PPP2R2C: variants seen among roughly 807,000 people sequenced by gnomAD.
PPP2R2C encodes the protein protein phosphatase 2, regulatory subunit B, gamma.
Under a neutral mutation model 45.3 loss-of-function variants are expected in PPP2R2C, and 10 were observed. The observed-to-expected ratio is 0.22, with a 90% CI of 0.14 to 0.37. The LOEUF (loss-of-function observed/expected upper bound fraction) is 0.37. PPP2R2C is among the 10% of genes least tolerant of loss of function. The pLI, the probability that PPP2R2C is intolerant of heterozygous loss-of-function variation, is 1.00. For synonymous variants in PPP2R2C, 257 were observed against 245.4 expected (o/e 1.05, Z -0.44); for missense variants, 308 against 619.7 (o/e 0.50, Z 5.34).
intron 5 of PPP2R2C, among the ~76,000 whole-genome samples, chr4:6,357,054 G>A (rs1020690168): frequency 1.3e-5 from 2 of 150,966 alleles, no homozygotes; most frequent in East Asian, 1.9e-4. Context: ...GCATGAGACA[G>A]GGACAGCGAG....
chr4:6,414,500 G>T (rs149252671), intron 1 of PPP2R2C, among the ~76,000 whole-genome samples: 2 of 152,172 alleles, frequency 1.3e-5, no homozygotes, highest in East Asian at 3.9e-4. Context: ...TTAGCCTCAA[G>T]GATGGCTACA....
At chr4:6,523,720 A>G (rs993866102) in intron 2 of PPP2R2C, among the ~76,000 whole-genome samples, 1 of 152,218 alleles carries the variant, frequency 6.6e-6, no homozygotes, top group Non-Finnish European at 1.5e-5. Flanking sequence ...CTGGGTGTCT[A>G]TCACGGAACA....
upstream of PPP2R2C, among the ~76,000 whole-genome samples, chr4:6,473,005 C>G (rs531814651): frequency 1.3e-5 from 2 of 151,818 alleles, no homozygotes; most frequent in South Asian, 2.1e-4. Context: ...AATGGGGACT[C>G]GGGGGAGGGG....
chr4:6,394,776 C>T (rs1387985535), intron 1 of PPP2R2C, among the ~76,000 whole-genome samples: 10 of 152,246 alleles, frequency 6.6e-5, no homozygotes, highest in Admixed American at 6.5e-5. Flanking sequence ...GGGGCTACAG[C>T]CAGCCTTTTA....
rs183390282 is a variant in PPP2R2C at position 6,345,770 on chromosome 4, G to A, written c.790+2076C>T. ...TGCCCTGTTTTCAGCCACCAAGTGT[G>A]TGGTCCTTTGTTGTGGCGCACAGGA... On this transcript the variant is annotated intron_variant, in intron 6 of 8. Coordinates refer to ENST00000382599, the MANE Select transcript of PPP2R2C (RefSeq NM_020416.4). This position sits in a 1 kb window ranked among gnomAD's most constrained non-coding sequence, Gnocchi z 5.3. Among the ~76,000 whole-genome samples, 169 of 152,252 alleles carry A rather than the reference G, an allele frequency of 1.1e-3. 4 individuals carry two copies. The highest frequency in any genetic ancestry group is 0.011 in the Admixed American group (165 of 15,298).
rs144455156 is a variant in PPP2R2C at position 6,375,834 on chromosome 4, C to T, written c.432G>A (p.Thr144=). 4.5e-5 allele frequency: 72 copies of T among 1,613,508 alleles called. No individual in the cohort carries two copies. Among genetic ancestry groups the T allele is most frequent in the African/African-American group, 8.0e-5 (6 of 74,908 alleles). ...CGGAGCTCACCTGCAGTGACGTCAC[C>T]GTGGACAGGTCCTTAAGTTTCCCCT... is the stretch of plus-strand genomic sequence containing the variant. ...DEEGKLKDLS[T]VTSLQVPVLK... is the part of the protein sequence containing the mutation. Residue 144 remains threonine, a synonymous_variant, in exon 4 of 9, where the codon ACG becomes ACA. Coordinates refer to ENST00000382599, the MANE Select transcript of PPP2R2C (RefSeq NM_020416.4).
chr4:6,470,216 C>A (rs1721793867), intron 1 of PPP2R2C, among the ~76,000 whole-genome samples: 1 of 152,188 alleles, frequency 6.6e-6, no homozygotes, highest in Non-Finnish European at 1.5e-5. Context: ...AGAATTCAGG[C>A]CGCACAAGGG....
At chr4:6,525,131 G>A (rs1379176194) in intron 2 of PPP2R2C, among the ~76,000 whole-genome samples, 2 of 149,510 alleles carry the variant, frequency 1.3e-5, no homozygotes, top group South Asian at 2.1e-4. Context: ...AAAGCTGGGC[G>A]TGGTGGCACA....
At chr4:6,445,148 C>T (rs1291165963) in intron 1 of PPP2R2C, among the ~76,000 whole-genome samples, 1 of 152,014 alleles carries the variant, frequency 6.6e-6, no homozygotes, top group Non-Finnish European at 1.5e-5. Context: ...GAGATCACAT[C>T]ACTGCACTCC....
At position 6,355,994 on chromosome 4, in the gene PPP2R2C, A is replaced by G. The variant is rs78555252; in HGVS notation, c.626-7984T>C. 0.016 allele frequency among the ~76,000 whole-genome samples: 89 copies of G among 5,548 alleles called. 3 individuals carry two copies. The East Asian group carries it at 0.17, about 10-fold the overall frequency. The allele number at this position is 5,548 out of a possible 152,430, so 3.6% of individuals were successfully genotyped here. On this transcript the variant is annotated intron_variant, in intron 5 of 8. Coordinates refer to ENST00000382599, the MANE Select transcript of PPP2R2C (RefSeq NM_020416.4). ...GGTGACAGAGTGAGACTCTGCCTGG[A>G]AAAAAAAAAAAAAAAAAAAAAAGAG...
chr4:6,459,141 T>TA (rs1721190646), intron 1 of PPP2R2C, among the ~76,000 whole-genome samples: 1 of 111,686 alleles, frequency 9.0e-6, no homozygotes, highest in Non-Finnish European at 2.0e-5. Flanking sequence ...GGGTAGATCT[T>TA]GGTGGGAATG....
Position 6,472,604 on chromosome 4 carries a change from C to G in PPP2R2C, c.-375G>C, listed in dbSNP as rs1034330525. On this transcript the variant is annotated 5_prime_UTR_variant, in exon 1 of 9. Transcript: ENST00000382599. ...TGCGCTGCGCCGACCAAGCCGGGGC[C>G]GAGCCGGGCTGCGCGGGCTGGGGCC... Among the ~76,000 whole-genome samples, 2 of 146,408 alleles carry G rather than the reference C, an allele frequency of 1.4e-5. No individual in the cohort carries two copies. The highest frequency in any genetic ancestry group is 4.9e-5 in the African/African-American group (2 of 40,834).
At chr4:6,434,284 C>A (rs759858686) in intron 1 of PPP2R2C, among the ~76,000 whole-genome samples, 2 of 151,930 alleles carry the variant, frequency 1.3e-5, no homozygotes, top group Admixed American at 6.6e-5. Flanking sequence ...TATTTCCATT[C>A]TTTCCCATTA....
At chr4:6,372,250 T>C (rs1165130463) in intron 5 of PPP2R2C, among the ~76,000 whole-genome samples, 3 of 152,202 alleles carry the variant, frequency 2.0e-5, no homozygotes, top group African/African-American at 7.2e-5. Flanking sequence ...CCTGGCCCCT[T>C]GTGAGGCCCT....
chr4:6,373,290 G>T (rs1050529027), intron 4 of PPP2R2C, among the ~76,000 whole-genome samples: 1 of 152,204 alleles, frequency 6.6e-6, no homozygotes, highest in African/African-American at 2.4e-5. Context: ...CATCCACATC[G>T]AACCTTCCCA....
At chr4:6,538,246 C>T (rs1434636320) in intron 1 of PPP2R2C, among the ~76,000 whole-genome samples, 1 of 152,184 alleles carries the variant, frequency 6.6e-6, no homozygotes, top group South Asian at 2.1e-4. Context: ...GGTCCCACAG[C>T]TGGGGCGTCA....
rs58305750 is a variant in PPP2R2C, at chr4:6,342,081, T to TACACAC, written c.790+5759_790+5764dup. Among the ~76,000 whole-genome samples, 695 of 139,708 alleles carry TACACAC rather than the reference T, an allele frequency of 5.0e-3. 7 individuals are homozygous for TACACAC. The highest frequency in any genetic ancestry group is 0.029 in the East Asian group (133 of 4,608). 91.7% of individuals were successfully genotyped at this position (139,708 alleles called of 152,430 possible). On this transcript the variant is annotated intron_variant, in intron 6 of 8. Transcript: ENST00000382599. The stretch of plus-strand genomic sequence containing the variant: ...AAAACATTTTGGAGATCTGCCACGA[T>TACACAC]ACACACACACACACACACACACACA...
chr4:6,475,490 G>A (rs961241847), upstream of PPP2R2C, among the ~76,000 whole-genome samples: 13 of 152,126 alleles, frequency 8.5e-5, no homozygotes, highest in African/African-American at 2.7e-4. Flanking sequence ...ACTCACTGCC[G>A]TGCCCTCCAA....
intron 1 of PPP2R2C, among the ~76,000 whole-genome samples, chr4:6,552,514 C>A (rs575904091): frequency 1.0e-3 from 152 of 151,980 alleles, no homozygotes; most frequent in African/African-American, 3.4e-3. Flanking sequence ...CTCTTTCTTT[C>A]TCCCTCTCTT....
Sources: gnomAD v4.1 joint callset for allele counts (sites outside exome capture counted in the v4.1 genomes callset) on GRCh38, gnomAD v4.1.1 for gene constraint, Gnocchi (gnomAD v3.1) non-coding constraint, MANE v1.5 for transcripts, NCBI Gene and HGNC (gene_info 2026-07-23, HGNC 2026-07-21) for gene names.